DHRS11: variants seen among roughly 807,000 people sequenced by gnomAD.
DHRS11 encodes the protein dehydrogenase/reductase SDR family member 11.
A neutral mutation model predicts 30.7 loss-of-function variants in DHRS11; 18 were observed. That is an observed-to-expected ratio of 0.59 (90% CI 0.41 to 0.87). The LOEUF (loss-of-function observed/expected upper bound fraction) is 0.87. DHRS11 is among the 40% of genes least tolerant of loss of function. The pLI, the probability that DHRS11 is intolerant of heterozygous loss-of-function variation, is 0.00. For synonymous variants in DHRS11, 123 were observed against 139.6 expected (o/e 0.88, Z 0.84); for missense variants, 300 against 349.0 (o/e 0.86, Z 1.12).
intron 1 of DHRS11, 144 bp from the exon 2 acceptor site, chr17:36,594,827 G>T: frequency 6.7e-6 from 5 of 746,236 alleles, no homozygotes; most frequent in Non-Finnish European, 1.1e-5. Context: ...CTTAGGGGAT[G>T]GGCAGTCCAA....
rs1290309146 is a variant in DHRS11 at position 36,591,898 on chromosome 17, G to T, written c.-112G>T. 3.6e-6 allele frequency: 4 copies of T among 1,121,456 alleles called. No homozygotes were observed. Among genetic ancestry groups the T allele is most frequent in the African/African-American group, 1.6e-5 (1 of 61,818 alleles). The allele number at this position is 1,121,456 out of a possible 1,614,324, so 69.5% of individuals were successfully genotyped here. On this transcript the variant is annotated 5_prime_UTR_variant, in exon 1 of 7. Transcript: ENST00000618403. Reference sequence around the variant, plus strand: ...CAGGCCGGGACTCTGGTGGGTCTAGGCGCGGATCGGACCCAAGCAGGTCGG... The same window carrying T: ...CAGGCCGGGACTCTGGTGGGTCTAGTCGCGGATCGGACCCAAGCAGGTCGG...
In DHRS11 at chr17:36,591,911, C is replaced by A. The variant is rs893278055; in HGVS notation, c.-99C>A. On this transcript the variant is annotated 5_prime_UTR_variant, in exon 1 of 7. Coordinates refer to ENST00000618403, the MANE Select transcript of DHRS11 (RefSeq NM_024308.4). ...TGGTGGGTCTAGGCGCGGATCGGACCCAAGCAGGTCGGCGGCGGCGGCAGG... is the reference window on the plus strand; with the variant it reads ...TGGTGGGTCTAGGCGCGGATCGGACACAAGCAGGTCGGCGGCGGCGGCAGG... 3.6e-5 allele frequency: 43 copies of A among 1,183,802 alleles called. No individual in the cohort carries two copies. The East Asian group carries it at 5.7e-4, about 16-fold the overall frequency. The allele number at this position is 1,183,802 out of a possible 1,614,324, so 73.3% of individuals were successfully genotyped here. A position where few individuals can be genotyped will look rare whatever the true frequency, so the allele number is the denominator to read the frequency against.
intron 4 of DHRS11, 121 bp downstream of exon 4, chr17:36,599,171 C>T: frequency 7.1e-7 from 1 of 1,412,254 alleles, no homozygotes; most frequent in East Asian, 2.5e-5. Context: ...GTGGACTGGG[C>T]ACAGAACTGG....
chr17:36,599,604 TCTCCCCTCGAC>T, intron 4 of DHRS11, 56 bp from the exon 5 acceptor site: 4 of 1,540,480 alleles, frequency 2.6e-6, no homozygotes, highest in Non-Finnish European at 3.6e-6. Context: ...GCCTCCATCC[TCTCCCCTCGAC>T]CTCCCCAAGA....
Position 36,600,264 on chromosome 17 carries a change from T to A in DHRS11, c.*61T>A, listed in dbSNP as rs978864328. 1.9e-6 allele frequency: 3 copies of A among 1,603,830 alleles called. No individual in the cohort carries two copies. Among genetic ancestry groups the A allele is most frequent in the African/African-American group, 2.7e-5 (2 of 74,710 alleles). On this transcript the variant is annotated 3_prime_UTR_variant, in exon 7 of 7. Transcript: ENST00000618403. ...CATGGCTTGCCTCCTGCCTCTGGAT[T>A]TTAGGTGTTGATTTCTGGATCACGG...
intron 3 of DHRS11, 118 bp downstream of exon 3, chr17:36,598,375 A>G: frequency 1.1e-6 from 1 of 905,442 alleles, no homozygotes. Flanking sequence ...TTAATACCTG[A>G]ATGGCACAAT....
At chr17:36,598,045 G>A (rs1386854405) in intron 2 of DHRS11, 118 bp from the exon 3 acceptor site, 19 of 1,003,374 alleles carry the variant, frequency 1.9e-5, no homozygotes, top group Non-Finnish European at 2.8e-5. Flanking sequence ...TCTCCGGGGG[G>A]ACCTGGACAC....
At chr17:36,598,837 T>C (rs2074832039) in intron 3 of DHRS11, 84 bp from the exon 4 acceptor site, 1 of 1,527,024 alleles carries the variant, frequency 6.5e-7, no homozygotes, top group East Asian at 2.3e-5. Context: ...ATCTGGGTGG[T>C]GGGGCTGACC....
At chr17:36,599,217 T>G in intron 4 of DHRS11, 167 bp downstream of exon 4, 1 of 1,049,860 alleles carries the variant, frequency 9.5e-7, no homozygotes, top group South Asian at 1.8e-5. Flanking sequence ...ATGCAGCCCT[T>G]CATTTCCTCA....
chr17:36,592,432 G>T lies in DHRS11; in HGVS notation c.147+276G>T, dbSNP rs1272939193. On this transcript the variant is annotated intron_variant, in intron 1 of 6. Transcript: ENST00000618403. The surrounding 1 kb of genome is among the most constrained non-coding windows in gnomAD (Gnocchi z 4.4). ...CCGAGGAAGGGGAAGCCGGAGGTCG[G>T]GGGTGGTGGTCTCGCCCCTGTGGCC... 6.6e-6 allele frequency among the ~76,000 whole-genome samples: 1 copy of T among 152,200 alleles called. No homozygotes were observed. Among genetic ancestry groups the T allele is most frequent in the Non-Finnish European group, 1.5e-5 (1 of 68,034 alleles).
intron 2 of DHRS11, among the ~76,000 whole-genome samples, chr17:36,595,625 G>T (rs548635863): frequency 6.6e-6 from 1 of 152,026 alleles, no homozygotes; most frequent in Admixed American, 6.6e-5. Context: ...GTTTCACCTT[G>T]TTGGCCAGGC....
In DHRS11 at chr17:36,592,671, C is replaced by T. The variant is rs1037174213; in HGVS notation, c.147+515C>T. ...ATGGAATATTCATTAGTGGGCCCTC[C>T]TCCACTCTCCTGGGGCGAACAGAGT... On this transcript the variant is annotated intron_variant, in intron 1 of 6. Coordinates refer to ENST00000618403, the MANE Select transcript of DHRS11 (RefSeq NM_024308.4). This position sits in a 1 kb window ranked among gnomAD's most constrained non-coding sequence, Gnocchi z 4.4. Among the ~76,000 whole-genome samples, 2 of 152,208 alleles carry T rather than the reference C, an allele frequency of 1.3e-5. No homozygotes were observed. Among genetic ancestry groups the T allele is most frequent in the Non-Finnish European group, 1.5e-5 (1 of 68,044 alleles).
intron 2 of DHRS11, chr17:36,597,939 C>G: frequency 1.7e-6 from 1 of 590,092 alleles, no homozygotes; most frequent in East Asian, 2.9e-5. Flanking sequence ...GGGGGTCAGC[C>G]AGGTGAGGAG....
At chr17:36,598,063 G>A in intron 2 of DHRS11, 100 bp from the exon 3 acceptor site, 1 of 1,213,312 alleles carries the variant, frequency 8.2e-7, no homozygotes, top group Non-Finnish European at 1.2e-6. Flanking sequence ...CACTGTTTTG[G>A]AATGCCACAC....
Position 36,591,917 on chromosome 17 carries a change from A to G in DHRS11, c.-93A>G, listed in dbSNP as rs1249771270. 5.0e-6 allele frequency: 6 copies of G among 1,191,030 alleles called. No individual in the cohort carries two copies. The highest frequency in any genetic ancestry group is 6.3e-6 in the Non-Finnish European group (6 of 955,938). The allele number at this position is 1,191,030 out of a possible 1,614,324, so 73.8% of individuals were successfully genotyped here. Reference sequence around the variant, plus strand: ...GTCTAGGCGCGGATCGGACCCAAGCAGGTCGGCGGCGGCGGCAGGAGAGCG... The same window carrying G: ...GTCTAGGCGCGGATCGGACCCAAGCGGGTCGGCGGCGGCGGCAGGAGAGCG... On this transcript the variant is annotated 5_prime_UTR_variant, in exon 1 of 7. Transcript: ENST00000618403.
rs752366281 is a variant in DHRS11, at chr17:36,594,995, G to A, written c.172G>A (p.Ala58Thr). ...IEELAAECKS[A>T]GYPGTLIPYR... The stretch of plus-strand genomic sequence containing the variant: ...GGAGCTGGCTGCTGAATGTAAGAGT[G>A]CAGGCTACCCCGGGACTTTGATCCC... Residue 58 changes from alanine to threonine, a missense_variant, in exon 2 of 7, where the codon GCA becomes ACA. By Grantham distance (58) the Ala-to-Thr change is moderately conservative. Transcript: ENST00000618403. 2 of 1,614,210 alleles carry A rather than the reference G, an allele frequency of 1.2e-6. No homozygotes were observed. The highest frequency in any genetic ancestry group is 1.7e-6 in the Non-Finnish European group (2 of 1,180,040).
intron 4 of DHRS11, 154 bp from the exon 5 acceptor site, chr17:36,599,517 C>T (rs1183801596): frequency 7.3e-6 from 5 of 685,818 alleles, no homozygotes; most frequent in Non-Finnish European, 1.3e-5. Context: ...ATTGTGGTCA[C>T]TGCCAGTGGC....
Position 36,599,731 on chromosome 17 carries a change from G to A in DHRS11, c.643G>A (p.Glu215Lys). Reference sequence around the variant, plus strand: ...CTTCAAACTCCACGACAAGGACCCTGAGAAGGCAGCTGCCACCTATGAGCA... The same window carrying A: ...CTTCAAACTCCACGACAAGGACCCTAAGAAGGCAGCTGCCACCTATGAGCA... The part of the protein sequence containing the change: ...FAFKLHDKDP[E>K]KAAATYEQMK... The change falls in exon 5 of 7, where the codon GAG becomes AAG. Residue 215 changes from glutamate to lysine, a missense_variant. Coordinates refer to ENST00000618403, the MANE Select transcript of DHRS11 (RefSeq NM_024308.4). The A allele has an allele frequency of 6.2e-7, 1 of 1,614,190 alleles. No homozygotes were observed. Among genetic ancestry groups the A allele is most frequent in the Non-Finnish European group, 8.5e-7 (1 of 1,180,038 alleles).
chr17:36,595,137 C>T lies in DHRS11; in HGVS notation c.314C>T (p.Thr105Ile), dbSNP rs2142814342. The T allele has an allele frequency of 1.9e-6, 3 of 1,614,016 alleles. No individual in the cohort carries two copies. The highest frequency in any genetic ancestry group is 2.5e-6 in the Non-Finnish European group (3 of 1,180,034). The change falls in exon 2 of 7, where the codon ACC becomes ATC. Residue 105 changes from threonine to isoleucine, a missense_variant. Coordinates refer to ENST00000618403, the MANE Select transcript of DHRS11 (RefSeq NM_024308.4). ...AATGCTGGCTTGGCCCGGCCTGACACCCTGCTCTCAGGCAGCACCAGTGGT... is the reference window on the plus strand; with the variant it reads ...AATGCTGGCTTGGCCCGGCCTGACATCCTGCTCTCAGGCAGCACCAGTGGT... ...INNAGLARPD[T>I]LLSGSTSGWK...
Sources: allele counts gnomAD v4.1 joint callset (sites outside exome capture counted in the v4.1 genomes callset), GRCh38; gene constraint gnomAD v4.1.1; non-coding constraint Gnocchi (gnomAD v3.1); transcripts MANE v1.5; gene names NCBI Gene and HGNC (gene_info 2026-07-23, HGNC 2026-07-21).